Variants in DLG2 observed in about 807,000 individuals in gnomAD.
The protein encoded by DLG2 is discs large MAGUK scaffold protein 2.
DLG2 carries 45 observed loss-of-function variants against 132.5 expected under a neutral mutation model. The observed-to-expected ratio is 0.34, with a 90% CI of 0.27 to 0.44. The LOEUF (loss-of-function observed/expected upper bound fraction) is 0.44. Ranked by LOEUF, DLG2 falls within the 20% of genes least tolerant of loss-of-function variation. The probability of loss-of-function intolerance (pLI) is 1.00; values close to 1 mark genes in which losing one functional copy is unlikely to be tolerated. For synonymous variants in DLG2, 424 were observed against 419.6 expected (o/e 1.01, Z -0.13); for missense variants, 1,045 against 1,196.9 (o/e 0.87, Z 1.87).
At chr11:84,376,674 A>G (rs562874976) in intron 7 of DLG2, among the ~76,000 whole-genome samples, 82 of 151,996 alleles carry the variant, frequency 5.4e-4, no homozygotes, top group African/African-American at 1.9e-3. Flanking sequence ...AACACCTTGA[A>G]GCTTCACATT....
At chr11:84,520,127 C>G (rs1339228038) in intron 7 of DLG2, among the ~76,000 whole-genome samples, 3 of 152,170 alleles carry the variant, frequency 2.0e-5, no homozygotes, top group Non-Finnish European at 4.4e-5. Flanking sequence ...GCAGGTCATT[C>G]TCTCTTTGGA....
chr11:84,544,740 ACTC>A (rs1375551695), intron 6 of DLG2, among the ~76,000 whole-genome samples: 12 of 152,210 alleles, frequency 7.9e-5, no homozygotes, highest in Non-Finnish European at 1.3e-4. Context: ...GAGATGCTGT[ACTC>A]CTGGCATACA....
At chr11:85,583,126 GTGTGTATATATATATATATA>G (rs2078706296) in intron 3 of DLG2, among the ~76,000 whole-genome samples, 10 of 34,304 alleles carry the variant, frequency 2.9e-4, no homozygotes, top group African/African-American at 8.3e-4. Context: ...GTGTGTGTGT[GTGTGTATATATATATATATA>G]TATATATATA....
At chr11:83,503,694 G>A (rs77139226) in intron 21 of DLG2, among the ~76,000 whole-genome samples, 1 of 151,936 alleles carries the variant, frequency 6.6e-6, no homozygotes, top group Middle Eastern at 3.2e-3. Context: ...CTGGCAGCTG[G>A]TTAGATGGTA....
At chr11:85,512,758 T>A (rs1452276322) in intron 3 of DLG2, among the ~76,000 whole-genome samples, 1 of 152,076 alleles carries the variant, frequency 6.6e-6, no homozygotes, top group Admixed American at 6.6e-5. Flanking sequence ...GTAAATTAGT[T>A]TAGTCCCTTG....
At chr11:83,755,689 A>G (rs1160980007) in intron 18 of DLG2, among the ~76,000 whole-genome samples, 2 of 151,354 alleles carry the variant, frequency 1.3e-5, no homozygotes, top group Non-Finnish European at 2.9e-5. Flanking sequence ...GAAATGGTTA[A>G]CCATACAAAC....
chr11:83,801,506 G>A (rs1336844421), intron 17 of DLG2, among the ~76,000 whole-genome samples: 3 of 151,908 alleles, frequency 2.0e-5, no homozygotes, highest in African/African-American at 7.3e-5. Flanking sequence ...TGGCCACAAG[G>A]GCCTTCATTC....
intron 22 of DLG2, among the ~76,000 whole-genome samples, chr11:83,474,870 G>C (rs921787206): frequency 6.6e-6 from 1 of 152,102 alleles, no homozygotes; most frequent in Non-Finnish European, 1.5e-5. Context: ...CTGATGGAAC[G>C]TTCTAAAGGC....
intron 6 of DLG2, among the ~76,000 whole-genome samples, chr11:84,864,485 A>C (rs1331992648): frequency 6.6e-6 from 1 of 152,068 alleles, no homozygotes; most frequent in Non-Finnish European, 1.5e-5. Flanking sequence ...TCAAATATAT[A>C]TTTCTCTTTT....
chr11:83,484,704 C>A (rs943599332), intron 21 of DLG2, among the ~76,000 whole-genome samples: 12 of 152,118 alleles, frequency 7.9e-5, no homozygotes, highest in Admixed American at 7.8e-4. Flanking sequence ...AGGTAGAAAA[C>A]GCTTTATTGG....
chr11:84,645,563 G>A (rs1255101495), intron 6 of DLG2, among the ~76,000 whole-genome samples: 1 of 152,150 alleles, frequency 6.6e-6, no homozygotes, highest in Non-Finnish European at 1.5e-5. Context: ...CGCCTCCTGG[G>A]TTCACGCCAT....
At chr11:85,560,372 TG>T (rs2077170411) in intron 3 of DLG2, among the ~76,000 whole-genome samples, 1 of 151,900 alleles carries the variant, frequency 6.6e-6, no homozygotes, top group Admixed American at 6.6e-5. Flanking sequence ...AAATGTGATA[TG>T]TGTATATTAT....
At chr11:84,327,245 G>A (rs1354262658) in intron 7 of DLG2, among the ~76,000 whole-genome samples, 2 of 149,398 alleles carry the variant, frequency 1.3e-5, no homozygotes, top group African/African-American at 2.5e-5. Flanking sequence ...CACCATGCCC[G>A]GCTAATTTTT....
intron 6 of DLG2, among the ~76,000 whole-genome samples, chr11:84,628,496 C>A (rs144152600): frequency 0.024 from 3,643 of 152,214 alleles, 63 homozygotes; most frequent in Non-Finnish European, 0.033. Context: ...CTTTACATAC[C>A]AATCTTGACT....
chr11:83,928,873 T>C (rs576091219), intron 15 of DLG2, among the ~76,000 whole-genome samples: 1 of 152,326 alleles, frequency 6.6e-6, no homozygotes, highest in African/African-American at 2.4e-5. Flanking sequence ...TAGCTGACTA[T>C]AGGTACATAA....
chr11:83,716,142 G>C (rs1430784673), intron 18 of DLG2, among the ~76,000 whole-genome samples: 2 of 152,202 alleles, frequency 1.3e-5, no homozygotes, highest in East Asian at 1.9e-4. Context: ...AAAACTCCAT[G>C]AGAGTCCTAA....
intron 15 of DLG2, among the ~76,000 whole-genome samples, chr11:83,881,654 T>C (rs567443781): frequency 3.3e-5 from 5 of 152,328 alleles, no homozygotes; most frequent in African/African-American, 9.6e-5. Flanking sequence ...ATCCTTTTAA[T>C]AGACTAACCA....
At chr11:83,460,623 G>A (rs745897146) in intron 27 of DLG2, among the ~76,000 whole-genome samples, 9 of 152,142 alleles carry the variant, frequency 5.9e-5, no homozygotes, top group Admixed American at 3.3e-4. Flanking sequence ...ACATTTTATT[G>A]TCTCATTTGA....
intron 7 of DLG2, among the ~76,000 whole-genome samples, chr11:84,372,963 T>G (rs1483202927): frequency 5.3e-5 from 8 of 151,826 alleles, no homozygotes; most frequent in Admixed American, 2.6e-4. Context: ...TAGCAAGAGA[T>G]GAAACCACGA....
Sources: gnomAD v4.1 joint callset for allele counts (sites outside exome capture counted in the v4.1 genomes callset) on GRCh38, gnomAD v4.1.1 for gene constraint, MANE v1.5 for transcripts, NCBI Gene and HGNC (gene_info 2026-07-23, HGNC 2026-07-21) for gene names.